The following NLRP12 variants were observed in gnomAD, a reference collection of about 807,000 sequenced individuals.
The protein encoded by NLRP12 is NACHT, LRR and PYD domains-containing protein 12.
In NLRP12, 108 loss-of-function variants were observed where a neutral mutation model predicts 91.2. That is an observed-to-expected ratio of 1.18 (90% confidence interval 1.01 to 1.39). The LOEUF is 1.39. Ranked by LOEUF, NLRP12 falls within the 40% of genes most tolerant of loss-of-function variation. NLRP12 has a pLI of 0.00. For missense variants in NLRP12, 1,530 were observed against 1,352.7 expected (o/e 1.13, Z -2.06); for synonymous variants, 613 against 566.7 (o/e 1.08, Z -1.16).
In NLRP12 at chr19:53,819,766, G is replaced by A. The variant is rs1412107014; in HGVS notation, c.289+4120C>T. Among the ~76,000 whole-genome samples the A allele has an allele frequency of 5.3e-5, 8 of 150,256 alleles. No homozygotes were observed. In the Admixed American group the frequency reaches 5.4e-4, roughly 10 times the overall value. ...AGTTTTGCTCTTCTTGTCCAGGCTG[G>A]AGTGCAGTGGCGGGATCTTGGCTCA... is the stretch of plus-strand genomic sequence containing the variant. On this transcript the variant is annotated intron_variant, in intron 1 of 9. Coordinates refer to ENST00000324134, the MANE Select transcript of NLRP12 (RefSeq NM_144687.4).
intron 7 of NLRP12, among the ~76,000 whole-genome samples, chr19:53,800,601 A>G (rs2091852707): frequency 6.8e-6 from 1 of 146,282 alleles, no homozygotes; most frequent in African/African-American, 2.5e-5. Context: ...TTTTTTTTTG[A>G]GACGGAGTTT....
Position 53,824,070 on chromosome 19 carries a change from C to T in NLRP12, c.105G>A (p.Ala35=), listed in dbSNP as rs768869134. Residue 35 remains alanine, a synonymous_variant, in exon 1 of 10, where the codon GCG becomes GCA. Transcript: ENST00000324134. The stretch of plus-strand genomic sequence containing the variant: ...GGATCTTGCCTTCTCCCAGCTCTGT[C>T]GCGGTCCCCAGGTATAACTTGAACT... ...LKKFKLYLGT[A]TELGEGKIPW... The T allele has an allele frequency of 4.3e-6, 7 of 1,614,144 alleles. No homozygotes were observed. The highest frequency in any genetic ancestry group is 2.2e-5 in the East Asian group (1 of 44,880).
chr19:53,817,323 G>A (rs1568691471), intron 1 of NLRP12, among the ~76,000 whole-genome samples: 1 of 152,102 alleles, frequency 6.6e-6, no homozygotes, highest in Non-Finnish European at 1.5e-5. Context: ...CCAGCTACTC[G>A]GGAGGCTGAG....
chr19:53,802,495 C>G (rs2091891336), intron 6 of NLRP12, among the ~76,000 whole-genome samples: 1 of 151,602 alleles, frequency 6.6e-6, no homozygotes, highest in African/African-American at 2.4e-5. Context: ...GTCACGAGGT[C>G]AGGAGATCGA....
At position 53,823,423 on chromosome 19, in the gene NLRP12, T is replaced by TATATATTTAAAATATATTTTTTAA. The variant is rs1555799936; in HGVS notation, c.289+462_289+463insTTAAAAAATATATTTTAAATATAT. 5.5e-5 allele frequency among the ~76,000 whole-genome samples: 6 copies of TATATATTTAAAATATATTTTTTAA among 109,896 alleles called. No individual in the cohort carries two copies. In the East Asian group the frequency reaches 1.2e-3, roughly 21 times the overall value. The allele number at this position is 109,896 out of a possible 152,430, so 72.1% of individuals were successfully genotyped here. ...ATATATTTAAAATATATGTTTTAAA[T>TATATATTTAAAATATATTTTTTAA]ATATATATTTAAAATATATGTTTTA... On this transcript the variant is annotated intron_variant, in intron 1 of 9. Transcript: ENST00000324134.
Position 53,793,848 on chromosome 19 carries a change from G to A in NLRP12, c.*201C>T. ...GATCCACCTGCCTCGGCCTCTCGAA[G>A]TGCTAGGATTACATACATGAGCCAC... On this transcript the variant is annotated 3_prime_UTR_variant, in exon 10 of 10. Coordinates refer to ENST00000324134, the MANE Select transcript of NLRP12 (RefSeq NM_144687.4). 6.1e-6 allele frequency: 4 copies of A among 656,782 alleles called. No individual in the cohort carries two copies. The highest frequency in any genetic ancestry group is 1.1e-5 in the Non-Finnish European group (4 of 360,906). The allele number at this position is 656,782 out of a possible 1,614,324, so 40.7% of individuals were successfully genotyped here. A position where few individuals can be genotyped will look rare whatever the true frequency, so the allele number is the denominator to read the frequency against.
rs34728764 is a variant in NLRP12, at chr19:53,799,010, A to ATTTT, written c.2757-601_2757-598dup. ...ACCCGCCTCAGCCTCCTATCTACAA[A>ATTTT]TTTTTTTTTTTTTTTTTTTTGAGAC... On this transcript the variant is annotated intron_variant, in intron 7 of 9. Coordinates refer to ENST00000324134, the MANE Select transcript of NLRP12 (RefSeq NM_144687.4). Among the ~76,000 whole-genome samples, 384 of 119,596 alleles carry ATTTT rather than the reference A, an allele frequency of 3.2e-3. 5 individuals are homozygous for ATTTT. The highest frequency in any genetic ancestry group is 4.5e-3 in the Non-Finnish European group (269 of 59,662). The allele number at this position is 119,596 out of a possible 152,430, so 78.5% of individuals were successfully genotyped here.
chr19:53,806,263 GCA>G (rs2091956540), intron 4 of NLRP12, among the ~76,000 whole-genome samples: 1 of 151,862 alleles, frequency 6.6e-6, no homozygotes, highest in Admixed American at 6.6e-5. Flanking sequence ...ATTTGGCTAG[GCA>G]CAGTGGCTCA....
At chr19:53,798,597 C>T (rs2091813192) in intron 7 of NLRP12, among the ~76,000 whole-genome samples, 184 bp from the exon 8 acceptor site, 1 of 152,106 alleles carries the variant, frequency 6.6e-6, no homozygotes, top group Non-Finnish European at 1.5e-5. Flanking sequence ...AATAAGAGAA[C>T]AGAAGGAAGC....
intron 9 of NLRP12, 121 bp downstream of exon 9, chr19:53,795,738 C>T: frequency 1.2e-6 from 1 of 863,008 alleles, no homozygotes; most frequent in Non-Finnish European, 1.9e-6. Context: ...GTGGCCTCAT[C>T]TGTATGCCCC....
At chr19:53,799,747 T>A (rs1302587095) in intron 7 of NLRP12, among the ~76,000 whole-genome samples, 1 of 152,028 alleles carries the variant, frequency 6.6e-6, no homozygotes, top group Non-Finnish European at 1.5e-5. Flanking sequence ...CCTCCCAAAG[T>A]GCTAAGATTA....
Position 53,793,943 on chromosome 19 carries a change from G to A in NLRP12, c.*106C>T. On this transcript the variant is annotated 3_prime_UTR_variant, in exon 10 of 10. Transcript: ENST00000324134. Reference sequence around the variant, plus strand: ...AGGGACTTTTGATCTCAATCTGCATGAGTCTGTCTCTAGGAAGGAGGCTGA... The same window carrying A: ...AGGGACTTTTGATCTCAATCTGCATAAGTCTGTCTCTAGGAAGGAGGCTGA... 4 of 834,804 alleles carry A rather than the reference G, an allele frequency of 4.8e-6. No individual in the cohort carries two copies. The Admixed American group carries it at 7.2e-5, about 15-fold the overall frequency. The allele number at this position is 834,804 out of a possible 1,614,324, so 51.7% of individuals were successfully genotyped here.
At chr19:53,815,772 A>C (rs954541001) in intron 1 of NLRP12, among the ~76,000 whole-genome samples, 2 of 149,672 alleles carry the variant, frequency 1.3e-5, no homozygotes, top group African/African-American at 2.5e-5. Flanking sequence ...CCACGCCCGG[A>C]TAATTTATTT....
intron 7 of NLRP12, among the ~76,000 whole-genome samples, chr19:53,800,984 G>T (rs776017098): frequency 4.6e-5 from 7 of 151,706 alleles, no homozygotes; most frequent in Non-Finnish European, 1.0e-4. Flanking sequence ...CATGAGGTCA[G>T]TAGATCGAGA....
At position 53,809,936 on chromosome 19, in the gene NLRP12, G is replaced by C; in HGVS notation, c.1723C>G (p.Leu575Val). ...ACCTTCCAGCAGAGACTCTTCTCCAGGTGGCTCCTGGTCTCCTCGTTCAGG... is the reference window on the plus strand; with the variant it reads ...ACCTTCCAGCAGAGACTCTTCTCCACGTGGCTCCTGGTCTCCTCGTTCAGG... ...GLLNEETRSHLEKSLCWKVSP... is the reference protein window; with the variant it reads ...GLLNEETRSHVEKSLCWKVSP... The change falls in exon 3 of 10, where the codon CTG (leucine) becomes GTG (valine). Residue 575 changes from leucine (L) to valine (V), a missense_variant. Transcript: ENST00000324134. The C allele has an allele frequency of 6.2e-7, 1 of 1,614,066 alleles. No individual in the cohort carries two copies.
intron 7 of NLRP12, 100 bp from the exon 8 acceptor site, chr19:53,798,513 G>A: frequency 8.5e-7 from 1 of 1,179,184 alleles, no homozygotes. Flanking sequence ...CAGACAGAGG[G>A]ACAGACTCAA....
Position 53,807,373 on chromosome 19 carries a change from A to G in NLRP12, c.2243+122T>C, listed in dbSNP as rs975260974. ...GTGAGCCACGGCACCTGGCTTTGTG[A>G]CACTTTTTTATGGCAGCCGTAGCCA... On this transcript the variant is annotated intron_variant, in intron 4 of 9. Transcript: ENST00000324134. 3.0e-6 allele frequency: 3 copies of G among 997,826 alleles called. No homozygotes were observed. The African/African-American group carries it at 4.8e-5, about 16-fold the overall frequency. The allele number at this position is 997,826 out of a possible 1,614,324, so 61.8% of individuals were successfully genotyped here.
At position 53,805,323 on chromosome 19, in the gene NLRP12, A is replaced by ATGAGGCCC. The variant is rs2091940173; in HGVS notation, c.2370_2371insGGGCCTCA (p.Cys791GlyfsTer16). 3 of 1,614,006 alleles carry ATGAGGCCC rather than the reference A, an allele frequency of 1.9e-6. No individual in the cohort carries two copies. The African/African-American group carries it at 4.0e-5, about 22-fold the overall frequency. Reference sequence around the variant, plus strand: ...CACTGGGGATGCCGCAGGCCCTCGCAAAGCAGCATCATGCCTGGGAATCCA... The same window carrying ATGAGGCCC: ...CACTGGGGATGCCGCAGGCCCTCGCATGAGGCCCAAGCAGCATCATGCCTGGGAATCCA... On this transcript the variant is annotated frameshift_variant, in exon 5 of 10. Transcript: ENST00000324134. LOFTEE classifies it high-confidence loss of function.
intron 8 of NLRP12, among the ~76,000 whole-genome samples, chr19:53,796,916 C>T (rs186712567): frequency 1.2e-4 from 4 of 33,808 alleles, no homozygotes; most frequent in East Asian, 4.8e-4. Context: ...TGCTTGAACC[C>T]GGGAGGTGGA....
Sources: gnomAD v4.1 joint callset for allele counts (sites outside exome capture counted in the v4.1 genomes callset) on GRCh38, gnomAD v4.1.1 for gene constraint, MANE v1.5 for transcripts, NCBI Gene and HGNC (gene_info 2026-07-23, HGNC 2026-07-21) for gene names.